JAK2: variants seen among roughly 807,000 people sequenced by gnomAD.
The protein encoded by JAK2 is tyrosine-protein kinase JAK2.
Under a neutral mutation model 139.3 loss-of-function variants are expected in JAK2, and 86 were observed. The ratio of observed to expected loss-of-function variants is 0.62; its 90% CI spans 0.52 to 0.74. The LOEUF (loss-of-function observed/expected upper bound fraction) is 0.74, where lower values mean the gene tolerates loss of function less well. Among genes scored for constraint, JAK2 ranks in the 30% least tolerant of loss-of-function variants. JAK2 has a pLI of 0.00. For missense variants in JAK2, 1,421 were observed against 1,360.3 expected (o/e 1.04, Z -0.70); for synonymous variants, 490 against 437.7 (o/e 1.12, Z -1.49).
intron 18 of JAK2, among the ~76,000 whole-genome samples, chr9:5,081,455 A>T (rs1819696565): frequency 6.6e-6 from 1 of 152,150 alleles, no homozygotes; most frequent in East Asian, 1.9e-4. Context: ...TTCTCACAAT[A>T]AGTATCAGTA....
rs150354852 is a variant in JAK2 at position 5,122,049 on chromosome 9, T to C, written c.3060-955T>C. Among the ~76,000 whole-genome samples, 219 of 152,276 alleles carry C rather than the reference T, an allele frequency of 1.4e-3. 2 individuals are homozygous for C. Among genetic ancestry groups the C allele is most frequent in the African/African-American group, 4.8e-3 (198 of 41,556 alleles). On this transcript the variant is annotated intron_variant, in intron 22 of 24. Transcript: ENST00000381652. The stretch of plus-strand genomic sequence containing the variant: ...CATTAGGATGTTTAATTACGTAGTA[T>C]GGACTGCCAGTACTATAGGAATTCA...
At chr9:5,083,096 G>C (rs1205847450) in intron 19 of JAK2, among the ~76,000 whole-genome samples, 1 of 152,210 alleles carries the variant, frequency 6.6e-6, no homozygotes, top group Non-Finnish European at 1.5e-5. Context: ...ACTTGACCAA[G>C]AGACTGTTCC....
In JAK2 at chr9:5,050,679, GTTTTAGTGGCGGCATGA is replaced by G; in HGVS notation, c.469-2_483del. The G allele has an allele frequency of 6.2e-7, 1 of 1,609,270 alleles. No individual in the cohort carries two copies. The highest frequency in any genetic ancestry group is 8.5e-7 in the Non-Finnish European group (1 of 1,178,290). ...ATGAGATATTTCCTTCAAATTTTTG[GTTTTAGTGGCGGCATGA>G]TTTTGTGCACGGATGGATAAAAGTA... On this transcript the variant is annotated splice_acceptor_variant and splice_polypyrimidine_tract_variant and coding_sequence_variant and intron_variant, in exon 6 of 25. Transcript: ENST00000381652. LOFTEE classifies it high-confidence loss of function.
chr9:5,062,133 T>A (rs1818219849), intron 8 of JAK2, among the ~76,000 whole-genome samples: 1 of 152,062 alleles, frequency 6.6e-6, no homozygotes, highest in South Asian at 2.1e-4. Context: ...TATATGCAAT[T>A]TTTTTTCAGC....
intron 22 of JAK2, 82 bp from the exon 23 acceptor site, chr9:5,122,922 A>C: frequency 1.2e-6 from 1 of 809,750 alleles, no homozygotes; most frequent in Non-Finnish European, 1.9e-6. Flanking sequence ...TTTTTTTTTT[A>C]ATTTATACAA....
chr9:4,988,010 G>T (rs574339812), intron 2 of JAK2, among the ~76,000 whole-genome samples: 1 of 152,136 alleles, frequency 6.6e-6, no homozygotes, highest in Non-Finnish European at 1.5e-5. Flanking sequence ...ACTGGTGAGG[G>T]AGTATTACAG....
In JAK2 at chr9:5,055,794, T is replaced by A. The variant is rs1293804190; in HGVS notation, c.1056+6T>A. On this transcript the variant is annotated splice_donor_region_variant and intron_variant, in intron 8 of 24. Transcript: ENST00000381652. ...AGCAAGATGGTAAAAATCTGGTAAG[T>A]TTGCTTTATGATTGAATAATGGTTT... The A allele has an allele frequency of 6.2e-7, 1 of 1,607,630 alleles. No individual in the cohort carries two copies. The highest frequency in any genetic ancestry group is 8.5e-7 in the Non-Finnish European group (1 of 1,175,884).
At chr9:5,082,620 C>T (rs1420346502) in intron 19 of JAK2, among the ~76,000 whole-genome samples, 2 of 152,254 alleles carry the variant, frequency 1.3e-5, no homozygotes, top group Non-Finnish European at 2.9e-5. Flanking sequence ...AGGTCTTTCC[C>T]ATCCCACGAG....
chr9:5,080,900 T>C (rs911065016), intron 18 of JAK2, among the ~76,000 whole-genome samples: 2 of 139,734 alleles, frequency 1.4e-5, no homozygotes, highest in African/African-American at 5.3e-5. Context: ...TTCTTTTTTT[T>C]TTTTTTTTTT....
At chr9:5,074,875 A>C (rs573829896) in intron 14 of JAK2, among the ~76,000 whole-genome samples, 1 of 152,190 alleles carries the variant, frequency 6.6e-6, no homozygotes, top group African/African-American at 2.4e-5. Flanking sequence ...GACAAGCTGA[A>C]AGCTAGGCCT....
intron 2 of JAK2, among the ~76,000 whole-genome samples, chr9:4,993,820 CTGTT>C (rs1820402886): frequency 1.3e-5 from 2 of 152,236 alleles, no homozygotes; most frequent in African/African-American, 4.8e-5. Flanking sequence ...GCTGGGGCCA[CTGTT>C]TGTGTGGAGT....
At chr9:5,104,682 C>T (rs1299372766) in intron 22 of JAK2, among the ~76,000 whole-genome samples, 1 of 152,218 alleles carries the variant, frequency 6.6e-6, no homozygotes, top group Admixed American at 6.5e-5. Context: ...AAACCCAATC[C>T]AGCAGCACAT....
At chr9:4,997,645 T>C (rs1055432857) in intron 2 of JAK2, among the ~76,000 whole-genome samples, 7 of 152,218 alleles carry the variant, frequency 4.6e-5, no homozygotes, top group Non-Finnish European at 1.0e-4. Context: ...ATCCAAACTG[T>C]ATCAACCTTG....
At chr9:5,049,297 G>A (rs1817249570) in intron 5 of JAK2, among the ~76,000 whole-genome samples, 1 of 152,078 alleles carries the variant, frequency 6.6e-6, no homozygotes, top group Admixed American at 6.5e-5. Flanking sequence ...GTCATTCAAG[G>A]GTACCTGCAG....
intron 5 of JAK2, among the ~76,000 whole-genome samples, chr9:5,049,474 T>C (rs1015568232): frequency 4.6e-5 from 7 of 152,240 alleles, no homozygotes; most frequent in Non-Finnish European, 8.8e-5. Flanking sequence ...CATTTCTTTA[T>C]TTTTAAACAC....
At position 5,060,039 on chromosome 9, in the gene JAK2, C is replaced by A. The variant is rs149843288; in HGVS notation, c.1056+4251C>A. On this transcript the variant is annotated intron_variant, in intron 8 of 24. Transcript: ENST00000381652. ...AAGCAAATTTTGCAATGAAGTGAGTCACATAAATTTTTTGGTTTCTCAGTA... is the reference window on the plus strand; with the variant it reads ...AAGCAAATTTTGCAATGAAGTGAGTAACATAAATTTTTTGGTTTCTCAGTA... Among the ~76,000 whole-genome samples, 850 of 152,210 alleles carry A rather than the reference C, an allele frequency of 5.6e-3. 8 individuals carry two copies. The highest frequency in any genetic ancestry group is 0.02 in the African/African-American group (812 of 41,526).
rs1586797564 is a variant in JAK2, at chr9:5,102,115, C to T, written c.3059+11204C>T. ...TCCAAGCTAAAGGAGGATGTTCAAA[C>T]CCATCGCAAGGAAGCTAAAAACCTT... On this transcript the variant is annotated intron_variant, in intron 22 of 24. Coordinates refer to ENST00000381652, the MANE Select transcript of JAK2 (RefSeq NM_004972.4). Among the ~76,000 whole-genome samples the T allele has an allele frequency of 2.0e-5, 3 of 152,132 alleles. No individual in the cohort carries two copies. The South Asian group carries it at 6.2e-4, about 32-fold the overall frequency.
Position 5,090,788 on chromosome 9 carries a change from C to T in JAK2, c.2936C>T (p.Thr979Met), listed in dbSNP as rs1443056014. The T allele has an allele frequency of 9.9e-6, 16 of 1,612,812 alleles. No individual in the cohort carries two copies. The highest frequency in any genetic ancestry group is 1.3e-5 in the Non-Finnish European group (15 of 1,179,514). The change falls in exon 22 of 25, where the codon ACG becomes ATG. Residue 979 changes from threonine to methionine, a missense_variant. Thr to Met is a moderately conservative substitution (Grantham distance 81). Transcript: ENST00000381652. ...AGGTATATCCACAGGGATCTGGCAA[C>T]GAGAAATATATTGGTGGAGAACGAG... ...TKRYIHRDLA[T>M]RNILVENENR...
intron 22 of JAK2, among the ~76,000 whole-genome samples, chr9:5,105,356 G>C (rs1049867038): frequency 6.6e-6 from 1 of 152,146 alleles, no homozygotes; most frequent in Non-Finnish European, 1.5e-5. Flanking sequence ...CAAGAGATGC[G>C]AAGGACCTCT....
Sources: gnomAD v4.1 joint callset for allele counts (sites outside exome capture counted in the v4.1 genomes callset) on GRCh38, gnomAD v4.1.1 for gene constraint, MANE v1.5 for transcripts, NCBI Gene and HGNC (gene_info 2026-07-23, HGNC 2026-07-21) for gene names.